Variants in PLCG2 observed in about 807,000 individuals in gnomAD.
PLCG2 encodes phospholipase C gamma 2.
PLCG2 carries 69 observed loss-of-function variants against 175.6 expected under a neutral mutation model. The observed-to-expected ratio is 0.39, with a 90% CI of 0.32 to 0.48. The LOEUF (loss-of-function observed/expected upper bound fraction) is 0.48. Ranked by LOEUF, PLCG2 falls within the 20% of genes least tolerant of loss-of-function variation. The pLI is 0.91. For missense variants in PLCG2, 1,798 were observed against 1,650.9 expected, an observed-to-expected ratio of 1.09 and a Z score of -1.54; for synonymous variants, 827 against 624.0, an observed-to-expected ratio of 1.33 and a Z score of -4.85.
At chr16:81,747,077 C>G (rs945896194) in intron 1 of PLCG2, among the ~76,000 whole-genome samples, 3 of 152,188 alleles carry the variant, frequency 2.0e-5, no homozygotes, top group Non-Finnish European at 4.4e-5. Flanking sequence ...CAAGCATTCT[C>G]AAACAGTACT....
chr16:81,740,606 T>C (rs1909568972), intron 1 of PLCG2: 1 of 151,456 alleles, frequency 6.6e-6, no homozygotes, highest in Non-Finnish European at 1.5e-5. Flanking sequence ...TGGTGGTATG[T>C]GCCTGCAATC....
Position 81,962,285 on chromosome 16 carries a change from A to G in PLCG2, c.*4287A>G, listed in dbSNP as rs1448554607. The G allele has an allele frequency of 5.0e-6, 1 of 198,458 alleles. No homozygotes were observed. Among genetic ancestry groups the G allele is most frequent in the Non-Finnish European group, 1.0e-5 (1 of 96,072 alleles). 12.3% of individuals were successfully genotyped at this position (198,458 alleles called of 1,614,324 possible). Reference sequence around the variant, plus strand: ...TAGCTTAACCTTCAACCTGTGTGACATTTAACTTTTTGAACCCAACCGTAA... The same window carrying G: ...TAGCTTAACCTTCAACCTGTGTGACGTTTAACTTTTTGAACCCAACCGTAA... On this transcript the variant is annotated 3_prime_UTR_variant, in exon 33 of 33. Transcript: ENST00000564138.
chr16:81,805,327 G>C (rs1597328472), intron 2 of PLCG2, among the ~76,000 whole-genome samples: 1 of 151,820 alleles, frequency 6.6e-6, no homozygotes, highest in Non-Finnish European at 1.5e-5. Context: ...GTGAAACTCT[G>C]TCTCTACTAA....
chr16:81,948,165 T>TA (rs1567546295), intron 31 of PLCG2, among the ~76,000 whole-genome samples: 1 of 152,200 alleles, frequency 6.6e-6, no homozygotes, highest in Non-Finnish European at 1.5e-5. Flanking sequence ...AATGGAATAA[T>TA]AAATCAAAGA....
In PLCG2 at chr16:81,923,781, A is replaced by T. The variant is rs13333420; in HGVS notation, c.2417+187A>T. On this transcript the variant is annotated intron_variant, in intron 22 of 32. Coordinates refer to ENST00000564138, the MANE Select transcript of PLCG2 (RefSeq NM_002661.5). ...CTCTATTTGAGAAAATGGATAAACA[A>T]CAATATTAACAGGTATCGACATATC... Among the ~76,000 whole-genome samples the T allele has an allele frequency of 0.53, 80,578 of 152,020 alleles. 22,337 individuals are homozygous for T. Among genetic ancestry groups the T allele is most frequent in the East Asian group, 0.78 (4,031 of 5,176 alleles).
At chr16:81,904,378 A>C (rs547711811) in intron 14 of PLCG2, among the ~76,000 whole-genome samples, 2 of 152,316 alleles carry the variant, frequency 1.3e-5, no homozygotes, top group South Asian at 4.1e-4. Context: ...GAGCTCCTTC[A>C]CCAGGTTACA....
At chr16:81,823,377 A>T (rs902718886) in intron 2 of PLCG2, among the ~76,000 whole-genome samples, 2 of 152,194 alleles carry the variant, frequency 1.3e-5, no homozygotes, top group Non-Finnish European at 2.9e-5. Flanking sequence ...CTGTCTGGCC[A>T]GTCCCTGAAA....
chr16:81,878,152 T>G (rs1456174717), intron 7 of PLCG2, among the ~76,000 whole-genome samples: 1 of 151,510 alleles, frequency 6.6e-6, no homozygotes, highest in Non-Finnish European at 1.5e-5. Context: ...CTGGCTAATT[T>G]TTTGTATTTT....
At chr16:81,829,183 A>G (rs1332613848) in intron 2 of PLCG2, among the ~76,000 whole-genome samples, 1 of 152,162 alleles carries the variant, frequency 6.6e-6, no homozygotes, top group African/African-American at 2.4e-5. Flanking sequence ...ATCTCGGCTC[A>G]CTGCAACCTC....
At chr16:81,856,830 G>A (rs58124292) in intron 3 of PLCG2, among the ~76,000 whole-genome samples, 29,085 of 152,080 alleles carry the variant, frequency 0.19, 3,518 homozygotes, top group East Asian at 0.54. Context: ...TGGACTATCT[G>A]GGTGTCTAGT....
At chr16:81,750,485 T>C (rs1054899842) in intron 1 of PLCG2, among the ~76,000 whole-genome samples, 1 of 151,536 alleles carries the variant, frequency 6.6e-6, no homozygotes, top group African/African-American at 2.4e-5. Context: ...CCCAAAAGAT[T>C]TGAAATCAGT....
chr16:81,947,306 C>T (rs895551656), intron 31 of PLCG2, among the ~76,000 whole-genome samples: 2 of 152,174 alleles, frequency 1.3e-5, no homozygotes, highest in African/African-American at 4.8e-5. Flanking sequence ...AGTCGACGCT[C>T]ACAAATCTGC....
intron 2 of PLCG2, among the ~76,000 whole-genome samples, chr16:81,848,151 A>G (rs562013071): frequency 6.6e-6 from 1 of 152,372 alleles, no homozygotes; most frequent in Admixed American, 6.5e-5. Flanking sequence ...GTAGAACAGG[A>G]TCAAGAGCGC....
intron 14 of PLCG2, among the ~76,000 whole-genome samples, chr16:81,902,314 C>T (rs927107187): frequency 6.6e-6 from 1 of 152,118 alleles, no homozygotes; most frequent in Non-Finnish European, 1.5e-5. Flanking sequence ...ATACCCTAAG[C>T]TGGGTGGGTT....
chr16:81,777,751 C>G (rs1176476178), upstream of PLCG2, among the ~76,000 whole-genome samples: 1 of 152,056 alleles, frequency 6.6e-6, no homozygotes, highest in Admixed American at 6.5e-5. Flanking sequence ...TGCAGTGGCT[C>G]ATGCCTGTAA....
chr16:81,902,538 C>G (rs116566744), intron 14 of PLCG2, among the ~76,000 whole-genome samples: 1 of 152,010 alleles, frequency 6.6e-6, no homozygotes. Flanking sequence ...TATCTTTGGC[C>G]TCTTTTATAA....
At chr16:81,833,423 T>C (rs1477611823) in intron 2 of PLCG2, among the ~76,000 whole-genome samples, 1 of 151,198 alleles carries the variant, frequency 6.6e-6, no homozygotes, top group Non-Finnish European at 1.5e-5. Context: ...CCGTTCCCTG[T>C]GGGTGAGGAG....
intron 2 of PLCG2, among the ~76,000 whole-genome samples, chr16:81,806,872 G>T (rs1376821387): frequency 6.6e-6 from 1 of 151,912 alleles, no homozygotes; most frequent in African/African-American, 2.4e-5. Flanking sequence ...AGCCAAGCAG[G>T]GTGATGGGGG....
chr16:81,865,455 A>G (rs2143513444), intron 5 of PLCG2, among the ~76,000 whole-genome samples: 1 of 152,270 alleles, frequency 6.6e-6, no homozygotes, highest in Admixed American at 6.5e-5. Context: ...CTCAGCCTCC[A>G]GTGTTTACAT....
Sources: gnomAD v4.1 joint callset for allele counts (sites outside exome capture counted in the v4.1 genomes callset) on GRCh38, gnomAD v4.1.1 for gene constraint, MANE v1.5 for transcripts, NCBI Gene and HGNC (gene_info 2026-07-23, HGNC 2026-07-21) for gene names.